The following HS6ST3 variants were observed in gnomAD, a reference collection of about 807,000 sequenced individuals.
The protein encoded by HS6ST3 is heparan-sulfate 6-O-sulfotransferase 3.
A neutral mutation model predicts 36.7 loss-of-function variants in HS6ST3; 12 were observed. That is an observed-to-expected ratio of 0.33 (90% confidence interval 0.21 to 0.53). The LOEUF (loss-of-function observed/expected upper bound fraction) is 0.53, where lower values mean the gene tolerates loss of function less well. Among genes scored for constraint, HS6ST3 ranks in the 20% least tolerant of loss-of-function variants. The pLI, the probability that HS6ST3 is intolerant of heterozygous loss-of-function variation, is 0.95. For synonymous variants in HS6ST3, 240 were observed against 257.5 expected, an observed-to-expected ratio of 0.93 and a Z score of 0.65; for missense variants, 584 against 640.9, an observed-to-expected ratio of 0.91 and a Z score of 0.96.
chr13:96,574,849 G>A (rs1594810163), intron 1 of HS6ST3, among the ~76,000 whole-genome samples: 1 of 152,126 alleles, frequency 6.6e-6, no homozygotes. Flanking sequence ...GATGATCCAC[G>A]AGGGTTGAAC....
At chr13:96,244,310 G>T (rs184875758) in intron 1 of HS6ST3, among the ~76,000 whole-genome samples, 1 of 152,112 alleles carries the variant, frequency 6.6e-6, no homozygotes, top group Non-Finnish European at 1.5e-5. Flanking sequence ...TTGACAAAGC[G>T]ATCACTTTGT....
At chr13:96,651,835 A>G (rs2056608680) in intron 1 of HS6ST3, among the ~76,000 whole-genome samples, 1 of 152,062 alleles carries the variant, frequency 6.6e-6, no homozygotes, top group Admixed American at 6.6e-5. Context: ...TTATCCTCAC[A>G]GTACATGGTC....
intron 1 of HS6ST3, among the ~76,000 whole-genome samples, chr13:96,673,372 G>A (rs898192229): frequency 1.3e-5 from 2 of 152,110 alleles, no homozygotes; most frequent in African/African-American, 4.8e-5. Context: ...TCTTCGGGTA[G>A]CTATTATTCA....
intron 1 of HS6ST3, among the ~76,000 whole-genome samples, chr13:96,773,975 A>G (rs1344940452): frequency 1.3e-5 from 2 of 152,202 alleles, no homozygotes; most frequent in African/African-American, 4.8e-5. Flanking sequence ...AGCTTCCAGA[A>G]GAAGGAACAG....
intron 1 of HS6ST3, among the ~76,000 whole-genome samples, chr13:96,483,907 T>A (rs1449735647): frequency 6.6e-6 from 1 of 152,216 alleles, no homozygotes; most frequent in African/African-American, 2.4e-5. Flanking sequence ...TATTCCATTT[T>A]GAGTTAATTT....
chr13:96,638,978 A>G (rs2056560565), intron 1 of HS6ST3, among the ~76,000 whole-genome samples: 1 of 152,042 alleles, frequency 6.6e-6, no homozygotes, highest in South Asian at 2.1e-4. Context: ...TTTATGGCCT[A>G]ACATATGGTC....
At chr13:96,138,787 C>A (rs1007326761) in intron 1 of HS6ST3, among the ~76,000 whole-genome samples, 1 of 151,770 alleles carries the variant, frequency 6.6e-6, no homozygotes, top group African/African-American at 2.4e-5. Flanking sequence ...GAAGTACTTA[C>A]GTGAGATACA....
At chr13:96,714,523 A>G (rs1056853421) in intron 1 of HS6ST3, among the ~76,000 whole-genome samples, 2 of 152,156 alleles carry the variant, frequency 1.3e-5, no homozygotes, top group African/African-American at 4.8e-5. Flanking sequence ...AGCAAGAGGA[A>G]CACTCAAGTG....
intron 1 of HS6ST3, among the ~76,000 whole-genome samples, chr13:96,228,892 G>A (rs1166952871): frequency 1.3e-5 from 2 of 152,196 alleles, no homozygotes; most frequent in Non-Finnish European, 2.9e-5. Flanking sequence ...CCAGGAGAGG[G>A]TGAGTTAAGG....
In HS6ST3 at chr13:96,285,740, A is replaced by T. The variant is rs77720393; in HGVS notation, c.707+194171A>T. On this transcript the variant is annotated intron_variant, in intron 1 of 1. Coordinates refer to ENST00000376705, the MANE Select transcript of HS6ST3 (RefSeq NM_153456.4). Reference sequence around the variant, plus strand: ...AAACTTATCTCAAATTGGTTTAAGCAAAAAGGGGAATTTCTGTGCTCGCAT... The same window carrying T: ...AAACTTATCTCAAATTGGTTTAAGCTAAAAGGGGAATTTCTGTGCTCGCAT... 1.5e-3 allele frequency among the ~76,000 whole-genome samples: 229 copies of T among 152,278 alleles called. 3 individuals carry two copies. The East Asian group carries it at 0.03, about 20-fold the overall frequency.
intron 1 of HS6ST3, among the ~76,000 whole-genome samples, chr13:96,626,832 TA>T (rs1320195663): frequency 3.3e-5 from 5 of 152,044 alleles, no homozygotes; most frequent in African/African-American, 9.7e-5. Context: ...TTCTACATAG[TA>T]TTTTTTTTAA....
At chr13:96,584,028 C>A (rs988457711) in intron 1 of HS6ST3, among the ~76,000 whole-genome samples, 2 of 152,240 alleles carry the variant, frequency 1.3e-5, no homozygotes, top group African/African-American at 2.4e-5. Context: ...AAGCAAACAG[C>A]CCCCTTCCAT....
chr13:96,709,073 T>G (rs1176017355), intron 1 of HS6ST3, among the ~76,000 whole-genome samples: 1 of 152,126 alleles, frequency 6.6e-6, no homozygotes. Context: ...GGTGATTGGC[T>G]CATGGGGGCA....
intron 1 of HS6ST3, among the ~76,000 whole-genome samples, chr13:96,132,448 A>G (rs1321029908): frequency 1.3e-5 from 2 of 151,264 alleles, no homozygotes; most frequent in Non-Finnish European, 2.9e-5. Context: ...TCTGTCACCC[A>G]GGCTGGAGTG....
At chr13:96,448,119 C>T (rs144156061) in intron 1 of HS6ST3, among the ~76,000 whole-genome samples, 397 of 152,240 alleles carry the variant, frequency 2.6e-3, no homozygotes, top group African/African-American at 9.1e-3. Flanking sequence ...AGCTATGACC[C>T]TTCTCAAATC....
chr13:96,610,938 T>G (rs2056455205), intron 1 of HS6ST3, among the ~76,000 whole-genome samples: 1 of 151,720 alleles, frequency 6.6e-6, no homozygotes, highest in African/African-American at 2.4e-5. Flanking sequence ...GAAATGTTTT[T>G]TAACCTTATC....
chr13:96,345,562 C>T (rs1330932486), intron 1 of HS6ST3, among the ~76,000 whole-genome samples: 2 of 152,194 alleles, frequency 1.3e-5, no homozygotes, highest in African/African-American at 4.8e-5. Context: ...GTGTCCTTCA[C>T]ATGTACTAGG....
chr13:96,532,054 C>T (rs1227323230), intron 1 of HS6ST3, among the ~76,000 whole-genome samples: 1 of 152,166 alleles, frequency 6.6e-6, no homozygotes, highest in East Asian at 1.9e-4. Flanking sequence ...CTGAGCCCTA[C>T]CTGGTCCCCA....
chr13:96,669,614 T>C (rs971575184), intron 1 of HS6ST3, among the ~76,000 whole-genome samples: 2 of 152,208 alleles, frequency 1.3e-5, no homozygotes, highest in South Asian at 4.1e-4. Context: ...GTTCTTCAAC[T>C]TTCCTACTCC....
Sources: allele counts gnomAD v4.1 joint callset (sites outside exome capture counted in the v4.1 genomes callset), GRCh38; gene constraint gnomAD v4.1.1; transcripts MANE v1.5; gene names NCBI Gene and HGNC (gene_info 2026-07-23, HGNC 2026-07-21).